Variants in FNIP2 observed in about 807,000 individuals in gnomAD.
FNIP2 encodes the protein folliculin-interacting protein 2.
Under a neutral mutation model 108.7 loss-of-function variants are expected in FNIP2, and 32 were observed. That is an observed-to-expected ratio of 0.29 (90% CI 0.22 to 0.40). The LOEUF is 0.40. Ranked by LOEUF, FNIP2 falls within the 10% of genes least tolerant of loss-of-function variation. FNIP2 has a pLI of 1.00. For synonymous variants in FNIP2, 480 were observed against 496.7 expected, an observed-to-expected ratio of 0.97 and a Z score of 0.45; for missense variants, 1,202 against 1,381.6, an observed-to-expected ratio of 0.87 and a Z score of 2.06.
rs934439992 is a variant in FNIP2 at position 158,869,585 on chromosome 4, G to T, written c.2792+157G>T. On this transcript the variant is annotated intron_variant, in intron 13 of 16. Transcript: ENST00000264433. ...GAAGTATTATTAATTCTATACAAAC[G>T]GTTTCCCACCTGTCCTTCTTCCAAG... 2.0e-5 allele frequency among the ~76,000 whole-genome samples: 3 copies of T among 152,276 alleles called. No homozygotes were observed. The East Asian group carries it at 5.8e-4, about 29-fold the overall frequency.
chr4:158,899,057 T>C (rs1782957766), intron 16 of FNIP2, among the ~76,000 whole-genome samples: 1 of 152,172 alleles, frequency 6.6e-6, no homozygotes. Context: ...CTTGAAGTGG[T>C]GTTGAGTTTT....
chr4:158,818,708 A>G (rs1273749254), intron 1 of FNIP2, among the ~76,000 whole-genome samples: 1 of 152,224 alleles, frequency 6.6e-6, no homozygotes, highest in Non-Finnish European at 1.5e-5. Flanking sequence ...GCTCTCAGTT[A>G]AGGAATTGTG....
intron 3 of FNIP2, 82 bp downstream of exon 3, chr4:158,829,307 C>G (rs989736895): frequency 2.9e-5 from 36 of 1,240,974 alleles, no homozygotes; most frequent in Non-Finnish European, 3.9e-5. Flanking sequence ...AATGCCTGCT[C>G]GAGGGCTCTA....
At chr4:158,849,707 C>A (rs1347498254) in intron 7 of FNIP2, among the ~76,000 whole-genome samples, 2 of 151,880 alleles carry the variant, frequency 1.3e-5, no homozygotes, top group Non-Finnish European at 2.9e-5. Flanking sequence ...TTCACTGATA[C>A]TTGAAATGTG....
At chr4:158,786,383 A>T (rs889923390) in intron 1 of FNIP2, among the ~76,000 whole-genome samples, 2 of 152,224 alleles carry the variant, frequency 1.3e-5, no homozygotes, top group African/African-American at 4.8e-5. Context: ...AATGCAGTTC[A>T]TATAGTAAAA....
chr4:158,897,008 C>G (rs1303276391), intron 16 of FNIP2, among the ~76,000 whole-genome samples: 1 of 151,870 alleles, frequency 6.6e-6, no homozygotes, highest in African/African-American at 2.4e-5. Flanking sequence ...CCCCCACCCG[C>G]CAAATAGGCC....
chr4:158,904,912 C>T lies in FNIP2; in HGVS notation c.*368C>T. ...CTTGAGCGGGGTGGTCAGCAGTGTA[C>T]ATAATATTCCAGTAGGAAACTGCTT... On this transcript the variant is annotated 3_prime_UTR_variant, in exon 17 of 17. Coordinates refer to ENST00000264433, the MANE Select transcript of FNIP2 (RefSeq NM_020840.3). 5.9e-6 allele frequency: 1 copy of T among 169,042 alleles called. No individual in the cohort carries two copies. The highest frequency in any genetic ancestry group is 1.7e-4 in the South Asian group (1 of 5,850). The allele number at this position is 169,042 out of a possible 1,614,324, so 10.5% of individuals were successfully genotyped here. A position where few individuals can be genotyped will look rare whatever the true frequency, so the allele number is the denominator to read the frequency against.
chr4:158,871,551 A>G, intron 14 of FNIP2: 2 of 985,360 alleles, frequency 2.0e-6, no homozygotes, highest in Non-Finnish European at 2.4e-6. Context: ...AGTGAAGCAG[A>G]TGTCAACATA....
Position 158,833,499 on chromosome 4 carries a change from C to A in FNIP2, c.555-29C>A, listed in dbSNP as rs116101199. 300 of 1,444,176 alleles carry A rather than the reference C, an allele frequency of 2.1e-4. No individual in the cohort carries two copies. The African/African-American group carries it at 4.0e-3, about 19-fold the overall frequency. The allele number at this position is 1,444,176 out of a possible 1,614,324, so 89.5% of individuals were successfully genotyped here. A position where few individuals can be genotyped will look rare whatever the true frequency, so the allele number is the denominator to read the frequency against. ...GCTTCTTGACGTTTTTGTCCTCTTT[C>A]TCCTTTTCCCCCCCATCTCCGGATA... On this transcript the variant is annotated intron_variant, in intron 5 of 16. Coordinates refer to ENST00000264433, the MANE Select transcript of FNIP2 (RefSeq NM_020840.3).
In FNIP2 at chr4:158,867,953, G is replaced by T. The variant is rs1780678459; in HGVS notation, c.1466-149G>T. Reference sequence around the variant, plus strand: ...CTTACAGTGGCAAAACTAAAACGTGGTCCTTACTAGAGAGTAGAAATCATG... The same window carrying T: ...CTTACAGTGGCAAAACTAAAACGTGTTCCTTACTAGAGAGTAGAAATCATG... On this transcript the variant is annotated intron_variant, in intron 12 of 16. Coordinates refer to ENST00000264433, the MANE Select transcript of FNIP2 (RefSeq NM_020840.3). 7.0e-6 allele frequency: 8 copies of T among 1,144,400 alleles called. No individual in the cohort carries two copies. The Admixed American group carries it at 1.1e-4, about 16-fold the overall frequency. The allele number at this position is 1,144,400 out of a possible 1,614,324, so 70.9% of individuals were successfully genotyped here.
intron 1 of FNIP2, among the ~76,000 whole-genome samples, chr4:158,787,387 C>G (rs1776258621): frequency 6.6e-6 from 1 of 152,150 alleles, no homozygotes; most frequent in Non-Finnish European, 1.5e-5. Context: ...GCGCCAACGA[C>G]TGGTATTTCA....
At chr4:158,808,873 A>G (rs1328179932) in intron 1 of FNIP2, among the ~76,000 whole-genome samples, 1 of 152,222 alleles carries the variant, frequency 6.6e-6, no homozygotes, top group African/African-American at 2.4e-5. Context: ...CCACAATTAC[A>G]GTAGAATCAC....
At chr4:158,792,608 C>T (rs1459095892) in intron 1 of FNIP2, among the ~76,000 whole-genome samples, 9 of 152,172 alleles carry the variant, frequency 5.9e-5, no homozygotes, top group Non-Finnish European at 1.3e-4. Flanking sequence ...CACATATACA[C>T]TATAAACCAA....
chr4:158,769,351 G>C (rs1168039054), intron 1 of FNIP2, 32 bp downstream of exon 1: 2 of 1,432,722 alleles, frequency 1.4e-6, no homozygotes, highest in South Asian at 1.3e-5. Context: ...ATTCTGGCGC[G>C]GGACCCGAGT....
intron 12 of FNIP2, among the ~76,000 whole-genome samples, 166 bp downstream of exon 12, chr4:158,861,942 C>T (rs554723745): frequency 4.6e-5 from 7 of 152,158 alleles, no homozygotes; most frequent in African/African-American, 1.7e-4. Flanking sequence ...GACCCACGAC[C>T]TTCCTCTCTT....
intron 8 of FNIP2, among the ~76,000 whole-genome samples, chr4:158,856,289 A>G (rs1779978805): frequency 6.6e-6 from 1 of 152,240 alleles, no homozygotes; most frequent in Non-Finnish European, 1.5e-5. Flanking sequence ...CCAATGTAAT[A>G]CATAGGTTCA....
intron 1 of FNIP2, among the ~76,000 whole-genome samples, chr4:158,790,604 G>A (rs1776380215): frequency 6.6e-6 from 1 of 152,028 alleles, no homozygotes; most frequent in Non-Finnish European, 1.5e-5. Context: ...AAAATCAGTT[G>A]GGCATGGTGA....
At chr4:158,875,086 C>T (rs1332109775) in intron 14 of FNIP2, among the ~76,000 whole-genome samples, 1 of 107,066 alleles carries the variant, frequency 9.3e-6, no homozygotes, top group Non-Finnish European at 1.9e-5. Context: ...GAGACTGTCT[C>T]AAAAAAAAAA....
intron 5 of FNIP2, among the ~76,000 whole-genome samples, chr4:158,833,220 G>A (rs906195109): frequency 1.5e-4 from 23 of 152,196 alleles, no homozygotes; most frequent in Middle Eastern, 3.4e-3. Flanking sequence ...ACAGTATCTC[G>A]GGTGTCAGTC....
Sources: allele counts gnomAD v4.1 joint callset (sites outside exome capture counted in the v4.1 genomes callset), GRCh38; gene constraint gnomAD v4.1.1; transcripts MANE v1.5; gene names NCBI Gene and HGNC (gene_info 2026-07-23, HGNC 2026-07-21).